Variants in PTPRM observed in about 807,000 individuals in gnomAD.
PTPRM encodes protein tyrosine phosphatase receptor type M.
In PTPRM, 47 loss-of-function variants were observed where a neutral mutation model predicts 186.7. That is an observed-to-expected ratio of 0.25 (90% CI 0.20 to 0.32). PTPRM has a LOEUF of 0.32. Ranked by LOEUF, PTPRM falls within the 10% of genes least tolerant of loss-of-function variation. PTPRM has a pLI of 1.00. For missense variants in PTPRM, 1,494 were observed against 1,865.0 expected, an observed-to-expected ratio of 0.80 and a Z score of 3.66; for synonymous variants, 668 against 674.9, an observed-to-expected ratio of 0.99 and a Z score of 0.16.
chr18:8,305,318 T>C (rs557154329), intron 20 of PTPRM, among the ~76,000 whole-genome samples: 5 of 152,248 alleles, frequency 3.3e-5, no homozygotes, highest in Non-Finnish European at 1.5e-5. Flanking sequence ...GAGGCAAAAA[T>C]GAAATAGTGC....
chr18:8,397,327 C>G (rs1248603969), intron 32 of PTPRM, among the ~76,000 whole-genome samples: 1 of 152,236 alleles, frequency 6.6e-6, no homozygotes, highest in Non-Finnish European at 1.5e-5. Flanking sequence ...CTCTCACCAT[C>G]TCCCTTTGCA....
intron 14 of PTPRM, among the ~76,000 whole-genome samples, chr18:8,209,279 A>G (rs1371235104): frequency 6.6e-6 from 1 of 152,180 alleles, no homozygotes; most frequent in East Asian, 1.9e-4. Context: ...CCGACAGCAC[A>G]GGCCAGAGGC....
At chr18:8,180,385 T>G (rs2093556457) in intron 14 of PTPRM, among the ~76,000 whole-genome samples, 1 of 152,212 alleles carries the variant, frequency 6.6e-6, no homozygotes, top group Admixed American at 6.5e-5. Context: ...GGAGTGACTG[T>G]GGCAACTTTT....
intron 7 of PTPRM, among the ~76,000 whole-genome samples, chr18:7,991,309 G>A (rs1022241843): frequency 3.3e-5 from 5 of 152,022 alleles, no homozygotes; most frequent in Admixed American, 6.6e-5. Context: ...AACCACCTGA[G>A]GATTGTAGTG....
chr18:8,030,464 A>T (rs1250196617), intron 7 of PTPRM, among the ~76,000 whole-genome samples: 1 of 152,230 alleles, frequency 6.6e-6, no homozygotes, highest in Non-Finnish European at 1.5e-5. Context: ...AAAACCATGC[A>T]TAAGGAATAC....
At chr18:8,079,497 C>T (rs1010883623) in intron 9 of PTPRM, among the ~76,000 whole-genome samples, 1 of 152,096 alleles carries the variant, frequency 6.6e-6, no homozygotes, top group Non-Finnish European at 1.5e-5. Context: ...AGATACACAT[C>T]CTTCTAAAAT....
intron 1 of PTPRM, among the ~76,000 whole-genome samples, chr18:7,698,842 T>A (rs1391433789): frequency 6.6e-6 from 1 of 152,224 alleles, no homozygotes; most frequent in Non-Finnish European, 1.5e-5. Flanking sequence ...CCCTGATGAC[T>A]AGTGAAGCAC....
intron 2 of PTPRM, among the ~76,000 whole-genome samples, chr18:7,804,780 A>G (rs1800451795): frequency 6.6e-6 from 1 of 152,106 alleles, no homozygotes; most frequent in Non-Finnish European, 1.5e-5. Context: ...CCCTTGAGCA[A>G]CTGACTGTCT....
chr18:8,111,656 G>A (rs1228338990), intron 11 of PTPRM, among the ~76,000 whole-genome samples: 1 of 152,016 alleles, frequency 6.6e-6, no homozygotes, highest in Non-Finnish European at 1.5e-5. Context: ...ACTTTGCAAA[G>A]AAAATAATTA....
At chr18:7,725,875 G>A (rs2040538996) in intron 1 of PTPRM, among the ~76,000 whole-genome samples, 1 of 152,202 alleles carries the variant, frequency 6.6e-6, no homozygotes. Flanking sequence ...TGCCACAAGT[G>A]TGGGTGCAAA....
At chr18:7,891,928 G>A (rs563573415) in intron 3 of PTPRM, among the ~76,000 whole-genome samples, 1 of 152,176 alleles carries the variant, frequency 6.6e-6, no homozygotes, top group Non-Finnish European at 1.5e-5. Flanking sequence ...GGCCAAGCTA[G>A]GCCTCCAGAG....
At chr18:7,871,515 C>T (rs557435071) in intron 2 of PTPRM, among the ~76,000 whole-genome samples, 8 of 152,186 alleles carry the variant, frequency 5.3e-5, no homozygotes, top group Admixed American at 3.9e-4. Context: ...TCTGAGGGGC[C>T]GTGGACATGT....
intron 32 of PTPRM, among the ~76,000 whole-genome samples, chr18:8,396,788 G>A (rs530910999): frequency 3.8e-4 from 58 of 152,306 alleles, no homozygotes; most frequent in African/African-American, 1.4e-3. Flanking sequence ...CTGTCACGGG[G>A]CTGTTAGCAG....
At chr18:7,869,751 CTTTTTGA>C (rs982304809) in intron 2 of PTPRM, among the ~76,000 whole-genome samples, 1 of 152,136 alleles carries the variant, frequency 6.6e-6, no homozygotes, top group African/African-American at 2.4e-5. Context: ...TAACTGATGG[CTTTTTGA>C]AGAGTGCTGA....
chr18:7,775,571 G>A (rs1177337586), intron 2 of PTPRM, among the ~76,000 whole-genome samples: 2 of 152,184 alleles, frequency 1.3e-5, no homozygotes, highest in Non-Finnish European at 2.9e-5. Context: ...GATCCAGCCT[G>A]TGTCCAGAGA....
At chr18:8,029,800 T>C (rs2085837376) in intron 7 of PTPRM, among the ~76,000 whole-genome samples, 1 of 152,204 alleles carries the variant, frequency 6.6e-6, no homozygotes, top group Admixed American at 6.5e-5. Flanking sequence ...AAATACTGGC[T>C]AAATTGAGTG....
At chr18:7,908,980 A>G (rs986178806) in intron 4 of PTPRM, among the ~76,000 whole-genome samples, 6 of 152,242 alleles carry the variant, frequency 3.9e-5, no homozygotes, top group African/African-American at 1.4e-4. Flanking sequence ...GAGCACTCTA[A>G]TGACATAGTC....
At chr18:7,628,024 C>T (rs577031263) in intron 1 of PTPRM, among the ~76,000 whole-genome samples, 90 of 152,210 alleles carry the variant, frequency 5.9e-4, no homozygotes, top group African/African-American at 1.9e-3. Context: ...TAGATGGCCA[C>T]ATGACAAAGA....
intron 1 of PTPRM, among the ~76,000 whole-genome samples, chr18:7,647,493 G>A (rs1414429993): frequency 1.3e-5 from 2 of 152,224 alleles, no homozygotes; most frequent in Non-Finnish European, 2.9e-5. Flanking sequence ...TTCATGGGCA[G>A]TGAGAGGGAA....
Sources: gnomAD v4.1 joint callset for allele counts (sites outside exome capture counted in the v4.1 genomes callset) on GRCh38, gnomAD v4.1.1 for gene constraint, MANE v1.5 for transcripts, NCBI Gene and HGNC (gene_info 2026-07-23, HGNC 2026-07-21) for gene names.